Variants in CPXM2 observed in about 807,000 individuals in gnomAD.
The protein encoded by CPXM2 is carboxypeptidase X, M14 family member 2.
A neutral mutation model predicts 86.1 loss-of-function variants in CPXM2; 66 were observed. That is an observed-to-expected ratio of 0.77 (90% CI 0.63 to 0.94). The LOEUF (loss-of-function observed/expected upper bound fraction) is 0.94. Ranked by LOEUF, CPXM2 falls within the 40% of genes least tolerant of loss-of-function variation. The probability of loss-of-function intolerance (pLI) is 0.00; values close to 1 mark genes in which losing one functional copy is unlikely to be tolerated. For missense variants in CPXM2, 948 were observed against 1,026.3 expected (o/e 0.92, Z 1.04); for synonymous variants, 388 against 400.2 (o/e 0.97, Z 0.36).
intron 4 of CPXM2, among the ~76,000 whole-genome samples, chr10:123,840,538 T>TA (rs1848365580): frequency 6.6e-6 from 1 of 152,272 alleles, no homozygotes; most frequent in Middle Eastern, 3.4e-3. Context: ...GCTGAGTAAA[T>TA]TACAGGCCAT....
At chr10:123,879,667 T>C (rs534613974) in intron 2 of CPXM2, among the ~76,000 whole-genome samples, 1 of 152,208 alleles carries the variant, frequency 6.6e-6, no homozygotes, top group Non-Finnish European at 1.5e-5. Context: ...TAGTTAATAG[T>C]AATAGCTGTA....
intron 6 of CPXM2, among the ~76,000 whole-genome samples, chr10:123,785,726 G>A (rs1055445551): frequency 6.6e-6 from 1 of 150,460 alleles, no homozygotes; most frequent in Admixed American, 6.7e-5. Flanking sequence ...TCCGCCTCCC[G>A]GGTTCACGCC....
chr10:123,888,128 C>T (rs1193613537), intron 1 of CPXM2, among the ~76,000 whole-genome samples: 1 of 152,172 alleles, frequency 6.6e-6, no homozygotes, highest in Non-Finnish European at 1.5e-5. Context: ...ATCCCCAATG[C>T]CCTTGGCTCC....
intron 11 of CPXM2, among the ~76,000 whole-genome samples, chr10:123,759,826 C>T (rs1260334353): frequency 2.0e-5 from 3 of 152,202 alleles, no homozygotes; most frequent in Non-Finnish European, 1.5e-5. Flanking sequence ...TCACAGGAGT[C>T]TGGAGTGAAA....
chr10:123,855,255 C>G (rs750504607), intron 3 of CPXM2, among the ~76,000 whole-genome samples: 1 of 152,118 alleles, frequency 6.6e-6, no homozygotes, highest in Non-Finnish European at 1.5e-5. Context: ...TTCCTTGACT[C>G]GGAAACTATG....
chr10:123,911,227 T>C (rs995154958), intron 2 of CPXM2, among the ~76,000 whole-genome samples: 3 of 151,942 alleles, frequency 2.0e-5, no homozygotes, highest in African/African-American at 7.3e-5. Flanking sequence ...TTTGTGACTC[T>C]CTCATTTGGG....
At chr10:123,751,064 T>C (rs56132599) in intron 13 of CPXM2, 46,796 of 985,090 alleles carry the variant, frequency 0.048, 1,301 homozygotes, top group Middle Eastern at 0.12. Context: ...ATCCCGGGCA[T>C]TCATGCGTGC....
At position 123,792,260 on chromosome 10, in the gene CPXM2, G is replaced by A. The variant is rs1464302190; in HGVS notation, c.889+5716C>T. ...GGGCAAGGAGGAAGAAGGGGAAATT[G>A]GGAAAAATCAAGTGTATTGAGCACT... On this transcript the variant is annotated intron_variant, in intron 6 of 13. Coordinates refer to ENST00000241305, the MANE Select transcript of CPXM2 (RefSeq NM_198148.3). Among the ~76,000 whole-genome samples, 4 of 152,118 alleles carry A rather than the reference G, an allele frequency of 2.6e-5. No homozygotes were observed. The East Asian group carries it at 5.8e-4, about 22-fold the overall frequency.
intron 1 of CPXM2, among the ~76,000 whole-genome samples, chr10:123,888,396 T>C (rs1945213287): frequency 6.6e-6 from 1 of 152,190 alleles, no homozygotes; most frequent in African/African-American, 2.4e-5. Flanking sequence ...GCCTCATACA[T>C]AGCATTGCAT....
chr10:123,783,063 G>A (rs1381507350), intron 6 of CPXM2, among the ~76,000 whole-genome samples: 1 of 152,218 alleles, frequency 6.6e-6, no homozygotes, highest in African/African-American at 2.4e-5. Context: ...GGCAAGATCA[G>A]GAAGTTACCT....
At chr10:123,817,848 T>G (rs1472686731) in intron 4 of CPXM2, among the ~76,000 whole-genome samples, 2 of 152,194 alleles carry the variant, frequency 1.3e-5, no homozygotes, top group Non-Finnish European at 2.9e-5. Context: ...CGACAGCACC[T>G]TTCTAGGACA....
At chr10:123,916,457 C>T (rs28429678) in intron 2 of CPXM2, among the ~76,000 whole-genome samples, 53,460 of 152,062 alleles carry the variant, frequency 0.35, 9,801 homozygotes, top group Middle Eastern at 0.55. Context: ...CCCCCATTCA[C>T]TCTGTGCTCC....
At chr10:123,928,392 T>C (rs1348682236) in intron 2 of CPXM2, among the ~76,000 whole-genome samples, 1 of 152,254 alleles carries the variant, frequency 6.6e-6, no homozygotes. Context: ...TTTTATTCTA[T>C]GTGAATTATG....
intron 3 of CPXM2, among the ~76,000 whole-genome samples, chr10:123,849,630 C>G (rs2134168628): frequency 6.6e-6 from 1 of 152,206 alleles, no homozygotes; most frequent in African/African-American, 2.4e-5. Context: ...TCAGGCTGGT[C>G]TCGATCTCCT....
intron 4 of CPXM2, among the ~76,000 whole-genome samples, chr10:123,822,478 A>G (rs1380827068): frequency 4.6e-5 from 7 of 152,120 alleles, no homozygotes; most frequent in African/African-American, 1.4e-4. Context: ...TTAATGAATG[A>G]ACTGCAATTG....
At chr10:123,854,657 C>T (rs889757162) in intron 3 of CPXM2, among the ~76,000 whole-genome samples, 5 of 150,712 alleles carry the variant, frequency 3.3e-5, no homozygotes, top group South Asian at 2.1e-4. Context: ...AGACAACCCC[C>T]GGAGCCTGTG....
At chr10:123,752,614 T>C (rs543071032) in intron 13 of CPXM2, 3 of 985,354 alleles carry the variant, frequency 3.0e-6, no homozygotes, top group East Asian at 2.3e-4. Flanking sequence ...TGGGATCTTT[T>C]GTTGGCACGA....
At chr10:123,792,726 A>G (rs1215915239) in intron 6 of CPXM2, among the ~76,000 whole-genome samples, 2 of 152,228 alleles carry the variant, frequency 1.3e-5, no homozygotes, top group Non-Finnish European at 2.9e-5. Context: ...CTGATTGCCC[A>G]GGCTGCCCCT....
chr10:123,782,548 A>G (rs1846958694), intron 6 of CPXM2, among the ~76,000 whole-genome samples: 1 of 152,148 alleles, frequency 6.6e-6, no homozygotes, highest in Admixed American at 6.5e-5. Context: ...TTTTGAACAA[A>G]TACTCCCTTA....
Sources: allele counts gnomAD v4.1 joint callset (sites outside exome capture counted in the v4.1 genomes callset), GRCh38; gene constraint gnomAD v4.1.1; transcripts MANE v1.5; gene names NCBI Gene and HGNC (gene_info 2026-07-23, HGNC 2026-07-21).